Variants in KIAA1671 observed in about 807,000 individuals in gnomAD.
KIAA1671 encodes KIAA1671.
In KIAA1671, 52 loss-of-function variants were observed where a neutral mutation model predicts 131.2. The ratio of observed to expected loss-of-function variants is 0.40; its 90% CI spans 0.32 to 0.50. The LOEUF (loss-of-function observed/expected upper bound fraction) is 0.50. Among genes scored for constraint, KIAA1671 ranks in the 20% least tolerant of loss-of-function variants. KIAA1671 has a pLI of 0.73. For synonymous variants in KIAA1671, 1,003 were observed against 961.6 expected (o/e 1.04, Z -0.80); for missense variants, 2,360 against 2,364.2 (o/e 1.00, Z 0.04).
chr22:25,007,536 G>A lies in KIAA1671; in HGVS notation c.-207-18097G>A, dbSNP rs150606101. ...GTCTGCTAGTGTTGAGGTAGGAGGC[G>A]GGACTTGACTCTGGAGGTGGGGCTC... is the stretch of plus-strand genomic sequence containing the variant. On this transcript the variant is annotated intron_variant, in intron 1 of 12. Coordinates refer to ENST00000358431, the MANE Select transcript of KIAA1671 (RefSeq NM_001145206.2). 7.6e-3 allele frequency among the ~76,000 whole-genome samples: 1,161 copies of A among 151,836 alleles called. 5 individuals carry two copies. Among genetic ancestry groups the A allele is most frequent in the African/African-American group, 0.025 (1,051 of 41,438 alleles).
At chr22:25,077,019 T>G (rs1929147059) in intron 6 of KIAA1671, among the ~76,000 whole-genome samples, 1 of 152,192 alleles carries the variant, frequency 6.6e-6, no homozygotes. Flanking sequence ...CTATTATTTT[T>G]ACTACTTCGT....
In KIAA1671 at chr22:25,168,376, C is replaced by T. The variant is rs75705373; in HGVS notation, c.4531-2444C>T. ...GTTGTGTAATATAAATTATGTGTCA[C>T]GTTCTGCCTGGTACAATTGATAAGT... On this transcript the variant is annotated intron_variant, in intron 6 of 12. Transcript: ENST00000358431. Among the ~76,000 whole-genome samples the T allele has an allele frequency of 1.7e-3, 260 of 152,282 alleles. 7 individuals are homozygous for T. The East Asian group carries it at 0.032, about 19-fold the overall frequency.
chr22:25,079,602 G>C (rs1929292558), intron 6 of KIAA1671, among the ~76,000 whole-genome samples: 2 of 152,132 alleles, frequency 1.3e-5, no homozygotes, highest in Non-Finnish European at 2.9e-5. Context: ...GGGAGCTTGG[G>C]GGGAAACAGG....
At chr22:25,082,455 C>T (rs887322215) in intron 6 of KIAA1671, among the ~76,000 whole-genome samples, 1 of 152,148 alleles carries the variant, frequency 6.6e-6, no homozygotes, top group South Asian at 2.1e-4. Flanking sequence ...GCCCAGAGGA[C>T]ACAATGTAAC....
Position 25,046,402 on chromosome 22 carries a change from T to TTCCTCTCTCCATC in KIAA1671, c.4396-2828_4396-2827insTCCTCTCTCCATC, listed in dbSNP as rs1569215600. Among the ~76,000 whole-genome samples, 189 of 146,812 alleles carry TTCCTCTCTCCATC rather than the reference T, an allele frequency of 1.3e-3. 3 individuals carry two copies. Among genetic ancestry groups the TTCCTCTCTCCATC allele is most frequent in the African/African-American group, 3.9e-3 (154 of 39,424 alleles). ...AGGGTGTGATGGTCATTAAAGTGAT[T>TTCCTCTCTCCATC]CCTTCCTCTCTCCATCCCTTCCTCT... On this transcript the variant is annotated intron_variant, in intron 5 of 12. Transcript: ENST00000358431.
intron 6 of KIAA1671, among the ~76,000 whole-genome samples, chr22:25,096,930 C>G (rs1210111021): frequency 6.6e-6 from 1 of 152,190 alleles, no homozygotes; most frequent in Non-Finnish European, 1.5e-5. Context: ...GATGTGTTCA[C>G]GTTGAGGCAC....
chr22:24,993,995 C>T (rs938657452), intron 1 of KIAA1671, among the ~76,000 whole-genome samples: 5 of 151,944 alleles, frequency 3.3e-5, no homozygotes, highest in South Asian at 2.1e-4. Context: ...GCAGGAGAAT[C>T]GCTTGAACCC....
At chr22:24,991,319 A>G (rs1210746070) in intron 1 of KIAA1671, among the ~76,000 whole-genome samples, 5 of 151,862 alleles carry the variant, frequency 3.3e-5, no homozygotes, top group Admixed American at 6.6e-5. Flanking sequence ...CACCATGCCC[A>G]GCCCCTTTCT....
chr22:25,033,259 G>A (rs1007467634), intron 4 of KIAA1671, among the ~76,000 whole-genome samples: 120 of 152,090 alleles, frequency 7.9e-4, no homozygotes, highest in African/African-American at 2.8e-3. Flanking sequence ...AGCCAGATGT[G>A]GTTGTGCATG....
intron 1 of KIAA1671, chr22:25,022,701 A>G (rs962344580): frequency 1.3e-5 from 2 of 152,324 alleles, no homozygotes; most frequent in Non-Finnish European, 2.9e-5. Context: ...GCCTGGGGTC[A>G]GCCTGATGTC....
At chr22:25,087,987 T>C (rs1452617926) in intron 6 of KIAA1671, among the ~76,000 whole-genome samples, 1 of 152,196 alleles carries the variant, frequency 6.6e-6, no homozygotes, top group Non-Finnish European at 1.5e-5. Context: ...AGATGCTGGG[T>C]ATAAATTGGC....
At chr22:25,068,039 G>A (rs753218168) in intron 6 of KIAA1671, among the ~76,000 whole-genome samples, 13 of 152,260 alleles carry the variant, frequency 8.5e-5, no homozygotes, top group South Asian at 2.1e-4. Flanking sequence ...CACTTTTGTC[G>A]GTCAGCAGGA....
intron 6 of KIAA1671, among the ~76,000 whole-genome samples, chr22:25,067,872 C>T (rs1019016523): frequency 6.6e-6 from 1 of 152,382 alleles, no homozygotes; most frequent in East Asian, 1.9e-4. Context: ...GCGCTGCATG[C>T]CCCACTTCTA....
chr22:24,995,534 A>G (rs1218959781), intron 1 of KIAA1671, among the ~76,000 whole-genome samples: 1 of 147,184 alleles, frequency 6.8e-6, no homozygotes, highest in Non-Finnish European at 1.5e-5. Flanking sequence ...TCGTTTTTGT[A>G]TTCTCTGTAG....
intron 1 of KIAA1671, among the ~76,000 whole-genome samples, chr22:25,005,346 T>TA (rs569086369): frequency 0.29 from 32,017 of 111,238 alleles, 4,321 homozygotes; most frequent in Middle Eastern, 0.37. Context: ...AGACTCCATC[T>TA]AAAAAAAAAA....
At chr22:25,097,454 T>G (rs1467733046) in intron 6 of KIAA1671, among the ~76,000 whole-genome samples, 1 of 152,108 alleles carries the variant, frequency 6.6e-6, no homozygotes, top group Non-Finnish European at 1.5e-5. Context: ...CTTCAAAAGG[T>G]TGTAGGCTGG....
At chr22:24,972,780 C>T (rs1922693141) in intron 1 of KIAA1671, among the ~76,000 whole-genome samples, 1 of 152,224 alleles carries the variant, frequency 6.6e-6, no homozygotes, top group Non-Finnish European at 1.5e-5. Context: ...CAGCAGGGTT[C>T]AGTGCCTTCG....
intron 1 of KIAA1671, chr22:25,012,147 G>C (rs144153350): frequency 6.6e-6 from 1 of 152,108 alleles, no homozygotes; most frequent in Non-Finnish European, 1.5e-5. Context: ...CCAATATCAT[G>C]TTCTTTCCAC....
intron 1 of KIAA1671, among the ~76,000 whole-genome samples, chr22:24,956,598 G>A (rs1921711765): frequency 6.6e-6 from 1 of 152,046 alleles, no homozygotes; most frequent in African/African-American, 2.4e-5. Context: ...CGGGCGTGGT[G>A]GCTCACGCCT....
Sources: gnomAD v4.1 joint callset for allele counts (sites outside exome capture counted in the v4.1 genomes callset) on GRCh38, gnomAD v4.1.1 for gene constraint, MANE v1.5 for transcripts, NCBI Gene and HGNC (gene_info 2026-07-23, HGNC 2026-07-21) for gene names.